The following SLCO1B3 variants were observed in gnomAD, a reference collection of about 807,000 sequenced individuals.
The protein encoded by SLCO1B3 is liver-specific organic anion transporter 2.
A neutral mutation model predicts 71.8 loss-of-function variants in SLCO1B3; 72 were observed. The observed-to-expected ratio is 1.00, with a 90% CI of 0.83 to 1.22. SLCO1B3 has a LOEUF of 1.22. SLCO1B3 is among the 50% of genes most tolerant of loss of function. The pLI, the probability that SLCO1B3 is intolerant of heterozygous loss-of-function variation, is 0.00. For missense variants in SLCO1B3, 911 were observed against 819.7 expected (o/e 1.11, Z -1.36); for synonymous variants, 298 against 278.4 (o/e 1.07, Z -0.70).
At chr12:20,844,772 G>C (rs1321422079) in intron 3 of SLCO1B3, among the ~76,000 whole-genome samples, 1 of 151,896 alleles carries the variant, frequency 6.6e-6, no homozygotes, top group African/African-American at 2.4e-5. Flanking sequence ...GCTCATGCCT[G>C]TAATCCCAGC....
At chr12:20,829,273 G>A (rs972342520) in intron 3 of SLCO1B3, among the ~76,000 whole-genome samples, 1 of 152,152 alleles carries the variant, frequency 6.6e-6, no homozygotes, top group Non-Finnish European at 1.5e-5. Context: ...GAATTTCCAA[G>A]ACAAAAACTA....
Position 20,828,646 on chromosome 12 carries a change from T to TACAC in SLCO1B3, c.84+12841_84+12844dup, listed in dbSNP as rs142800781. On this transcript the variant is annotated intron_variant, in intron 3 of 15. Coordinates refer to ENST00000381545, the MANE Select transcript of SLCO1B3 (RefSeq NM_019844.4). ...GAAAGCATAAAGGCACACACACACA[T>TACAC]ACACACACACACACACACACTCACA... Among the ~76,000 whole-genome samples the TACAC allele has an allele frequency of 4.5e-4, 68 of 149,680 alleles. 1 individual carries two copies. The highest frequency in any genetic ancestry group is 8.6e-4 in the South Asian group (4 of 4,652).
chr12:20,910,881 T>C (rs142414250), intron 15 of SLCO1B3, among the ~76,000 whole-genome samples: 140 of 152,268 alleles, frequency 9.2e-4, no homozygotes, highest in African/African-American at 3.2e-3. Flanking sequence ...TTTCTACATA[T>C]ACATATGCAA....
chr12:20,861,773 A>T lies in SLCO1B3; in HGVS notation c.481+635A>T, dbSNP rs560504922. On this transcript the variant is annotated intron_variant, in intron 6 of 15. Transcript: ENST00000381545. ...AAAAAAATGATTTCAAGTTTTCTGT[A>T]TTGCTGGGAGAGTATAAATTTCAAA... is the stretch of plus-strand genomic sequence containing the variant. 5.9e-5 allele frequency among the ~76,000 whole-genome samples: 9 copies of T among 152,172 alleles called. 1 individual carries two copies. The South Asian group carries it at 1.9e-3, about 32-fold the overall frequency.
At chr12:20,863,552 A>G (rs186857335) in intron 8 of SLCO1B3, among the ~76,000 whole-genome samples, 183 of 152,282 alleles carry the variant, frequency 1.2e-3, no homozygotes, top group African/African-American at 4.3e-3. Flanking sequence ...CATACTTATG[A>G]AAAAGTATTT....
At chr12:20,913,122 G>C (rs1229651747) in intron 15 of SLCO1B3, among the ~76,000 whole-genome samples, 3 of 152,130 alleles carry the variant, frequency 2.0e-5, no homozygotes, top group African/African-American at 7.2e-5. Context: ...GTGTTGTTGA[G>C]TTCAACTATG....
chr12:20,858,418 A>G, intron 4 of SLCO1B3, 21 bp from the exon 5 acceptor site: 3 of 1,526,248 alleles, frequency 2.0e-6, no homozygotes, highest in Non-Finnish European at 1.8e-6. Flanking sequence ...TCATATCAAC[A>G]TAATTTTGTT....
chr12:20,875,477 G>T lies in SLCO1B3; in HGVS notation c.970G>T (p.Gly324Cys), dbSNP rs1416310151. The change falls in exon 9 of 16, where the codon GGT (glycine) becomes TGT (cysteine). Residue 324 changes from glycine (G) to cysteine (C), a missense_variant and splice_region_variant. Physicochemically the swap from Gly to Cys is radical, Grantham distance 159 (BLOSUM62 -3). Coordinates refer to ENST00000381545, the MANE Select transcript of SLCO1B3 (RefSeq NM_019844.4). The stretch of plus-strand genomic sequence containing the variant: ...AAAAAATGTTACCAAAAATGTGACT[G>T]GTAGGTATTTGACATTCATTGTCAA... Reference protein sequence around the residue: ...QGKNVTKNVTGFFQSLKSILT... With the variant: ...QGKNVTKNVTCFFQSLKSILT... The T allele has an allele frequency of 2.5e-6, 4 of 1,597,924 alleles. No homozygotes were observed. Among genetic ancestry groups the T allele is most frequent in the South Asian group, 2.3e-5 (2 of 87,298 alleles).
intron 5 of SLCO1B3, among the ~76,000 whole-genome samples, chr12:20,859,490 T>TCCCCCCCC (rs374409765): frequency 7.1e-6 from 1 of 140,456 alleles, no homozygotes; most frequent in Non-Finnish European, 1.6e-5. Flanking sequence ...TCTGTTTTTT[T>TCCCCCCCC]CCCCCTCTAC....
intron 13 of SLCO1B3, among the ~76,000 whole-genome samples, chr12:20,890,519 A>G (rs183295789): frequency 2.4e-4 from 37 of 152,340 alleles, no homozygotes; most frequent in African/African-American, 8.4e-4. Context: ...AATGTTCTGT[A>G]AAATGTTCGT....
At chr12:20,822,964 AT>A (rs571840495) in intron 3 of SLCO1B3, among the ~76,000 whole-genome samples, 183 of 152,104 alleles carry the variant, frequency 1.2e-3, no homozygotes, top group African/African-American at 3.9e-3. Flanking sequence ...CTGGTCTTGA[AT>A]TTTGTCTGAT....
intron 8 of SLCO1B3, among the ~76,000 whole-genome samples, chr12:20,866,722 C>A (rs1865379190): frequency 1.3e-5 from 1 of 77,920 alleles, no homozygotes; most frequent in South Asian, 8.8e-4. Context: ...ATGAAAGTGC[C>A]CTATTCTGGA....
At chr12:20,897,048 A>T (rs1000615231) in intron 13 of SLCO1B3, among the ~76,000 whole-genome samples, 4 of 152,164 alleles carry the variant, frequency 2.6e-5, no homozygotes, top group Non-Finnish European at 5.9e-5. Context: ...CTCCCACCGG[A>T]TCCCTCCCAC....
At chr12:20,864,419 C>G (rs927747346) in intron 8 of SLCO1B3, among the ~76,000 whole-genome samples, 3 of 152,150 alleles carry the variant, frequency 2.0e-5, no homozygotes, top group African/African-American at 7.2e-5. Context: ...TTAAATAGAT[C>G]ACTCCAAAGA....
At chr12:20,868,488 C>T (rs138730542) in intron 8 of SLCO1B3, among the ~76,000 whole-genome samples, 2 of 152,264 alleles carry the variant, frequency 1.3e-5, no homozygotes, top group Non-Finnish European at 2.9e-5. Context: ...TCCCTATTTC[C>T]CCTTTCCCAC....
At chr12:20,870,449 G>A (rs1865455342) in intron 8 of SLCO1B3, among the ~76,000 whole-genome samples, 1 of 152,026 alleles carries the variant, frequency 6.6e-6, no homozygotes, top group South Asian at 2.1e-4. Context: ...TTTATTCTAA[G>A]AATTTTATAG....
rs1323957821 is a variant in SLCO1B3 at position 20,904,603 on chromosome 12, C to T, written c.1865+3136C>T. Among the ~76,000 whole-genome samples, 5 of 152,062 alleles carry T rather than the reference C, an allele frequency of 3.3e-5. No individual in the cohort carries two copies. In the East Asian group the frequency reaches 9.7e-4, roughly 30 times the overall value. The stretch of plus-strand genomic sequence containing the variant: ...ATCTACCATTCTGGAGTCTGGAGGA[C>T]AGTGGCCCTCTTCTTATAGCTCCAC... On this transcript the variant is annotated intron_variant, in intron 15 of 15. Transcript: ENST00000381545.
At chr12:20,829,611 GACC>G (rs1565580273) in intron 3 of SLCO1B3, among the ~76,000 whole-genome samples, 2 of 152,206 alleles carry the variant, frequency 1.3e-5, no homozygotes, top group African/African-American at 4.8e-5. Context: ...TCCCAATCCA[GACC>G]ACAAGAGAGG....
intron 8 of SLCO1B3, among the ~76,000 whole-genome samples, chr12:20,869,787 A>G (rs74456000): frequency 0.021 from 3,125 of 152,304 alleles, 111 homozygotes; most frequent in African/African-American, 0.071. Flanking sequence ...GAGTGCTGCA[A>G]TGAACATACA....
Sources: allele counts gnomAD v4.1 joint callset (sites outside exome capture counted in the v4.1 genomes callset), GRCh38; gene constraint gnomAD v4.1.1; transcripts MANE v1.5; gene names NCBI Gene and HGNC (gene_info 2026-07-23, HGNC 2026-07-21).